Variants in CLSTN2 observed in about 807,000 individuals in gnomAD.
The protein encoded by CLSTN2 is calsyntenin-2.
A neutral mutation model predicts 101.2 loss-of-function variants in CLSTN2; 48 were observed. The observed-to-expected ratio is 0.47, with a 90% CI of 0.38 to 0.60. The LOEUF (loss-of-function observed/expected upper bound fraction) is 0.60, where lower values mean the gene tolerates loss of function less well. Among genes scored for constraint, CLSTN2 ranks in the 20% least tolerant of loss-of-function variants. The pLI, the probability that CLSTN2 is intolerant of heterozygous loss-of-function variation, is 0.00. For synonymous variants in CLSTN2, 481 were observed against 463.6 expected, an observed-to-expected ratio of 1.04 and a Z score of -0.48; for missense variants, 1,160 against 1,238.2, an observed-to-expected ratio of 0.94 and a Z score of 0.95.
Position 140,566,767 on chromosome 3 carries a change from A to C in CLSTN2, c.*514A>C, listed in dbSNP as rs1985262942. ...ACAGTTTAAAGGAAAGTCCTTGTTGAGGCAGAACTAAGTTTACAGGGAAAG... is the reference window on the plus strand; with the variant it reads ...ACAGTTTAAAGGAAAGTCCTTGTTGCGGCAGAACTAAGTTTACAGGGAAAG... On this transcript the variant is annotated 3_prime_UTR_variant, in exon 17 of 17. Transcript: ENST00000458420. 6.2e-6 allele frequency: 1 copy of C among 160,460 alleles called. No homozygotes were observed. The highest frequency in any genetic ancestry group is 1.4e-5 in the Non-Finnish European group (1 of 71,874). The allele number at this position is 160,460 out of a possible 1,614,324, so 9.9% of individuals were successfully genotyped here. A position where few individuals can be genotyped will look rare whatever the true frequency, so the allele number is the denominator to read the frequency against.
intron 2 of CLSTN2, among the ~76,000 whole-genome samples, chr3:140,354,188 T>A (rs1576529069): frequency 1.3e-5 from 2 of 152,236 alleles, no homozygotes; most frequent in East Asian, 3.9e-4. Flanking sequence ...AAATGGAGCT[T>A]CTCACATCTG....
At chr3:140,520,207 T>C (rs555924696) in intron 8 of CLSTN2, among the ~76,000 whole-genome samples, 4 of 152,382 alleles carry the variant, frequency 2.6e-5, no homozygotes, top group African/African-American at 9.6e-5. Context: ...GTAGGTGACC[T>C]GGCCTTTCTC....
chr3:140,497,525 ACCTCAGGAGCT>A (rs1934493151), intron 8 of CLSTN2, among the ~76,000 whole-genome samples: 1 of 151,998 alleles, frequency 6.6e-6, no homozygotes, highest in South Asian at 2.1e-4. Context: ...GGCCGCCCCC[ACCTCAGGAGCT>A]CCTTCGTCTC....
rs1044219922 is a variant in CLSTN2 at position 140,165,787 on chromosome 3, T to G, written c.110-10164T>G. Among the ~76,000 whole-genome samples the G allele has an allele frequency of 5.3e-5, 8 of 152,284 alleles. No individual in the cohort carries two copies. The South Asian group carries it at 1.7e-3, about 32-fold the overall frequency. On this transcript the variant is annotated intron_variant, in intron 1 of 16. Coordinates refer to ENST00000458420, the MANE Select transcript of CLSTN2 (RefSeq NM_022131.3). ...GACTGAAGCAAAGAATAAAAATACT[T>G]TTCAAAATGCTATTATAATAATTAT...
At chr3:140,377,958 C>T (rs907338844) in intron 2 of CLSTN2, among the ~76,000 whole-genome samples, 1 of 152,140 alleles carries the variant, frequency 6.6e-6, no homozygotes, top group South Asian at 2.1e-4. Flanking sequence ...TTAAAAAAAT[C>T]TTTTACACCA....
intron 8 of CLSTN2, among the ~76,000 whole-genome samples, chr3:140,506,413 C>T (rs375480762): frequency 5.9e-5 from 9 of 152,238 alleles, no homozygotes; most frequent in East Asian, 1.9e-4. Context: ...CACTCCCCTC[C>T]TTATGATGCT....
chr3:140,460,465 G>A (rs1933532013), intron 7 of CLSTN2: 1 of 152,350 alleles, frequency 6.6e-6, no homozygotes, highest in Non-Finnish European at 1.5e-5. Flanking sequence ...GAAGTGCTCA[G>A]AACAGTGCCT....
intron 7 of CLSTN2, among the ~76,000 whole-genome samples, chr3:140,465,220 A>G (rs1416685561): frequency 6.6e-6 from 1 of 152,220 alleles, no homozygotes; most frequent in Admixed American, 6.5e-5. Flanking sequence ...AAGTGTATCT[A>G]AGGCCTGGCT....
At chr3:140,509,012 G>C (rs960548857) in intron 8 of CLSTN2, among the ~76,000 whole-genome samples, 2 of 152,248 alleles carry the variant, frequency 1.3e-5, no homozygotes, top group Admixed American at 1.3e-4. Context: ...GCTTTGAAAT[G>C]GGGGTAGGAA....
At chr3:140,463,815 A>C (rs1037400874) in intron 7 of CLSTN2, among the ~76,000 whole-genome samples, 3 of 152,198 alleles carry the variant, frequency 2.0e-5, no homozygotes, top group Admixed American at 6.5e-5. Flanking sequence ...GAAATGTGCA[A>C]GGCTAGCAAC....
chr3:140,387,462 T>A (rs1576544064), intron 2 of CLSTN2, among the ~76,000 whole-genome samples: 1 of 152,236 alleles, frequency 6.6e-6, no homozygotes, highest in Non-Finnish European at 1.5e-5. Flanking sequence ...TTCCACAGGT[T>A]CCTATTTGCG....
chr3:140,201,214 G>A (rs1013728123), intron 2 of CLSTN2, among the ~76,000 whole-genome samples: 2 of 152,142 alleles, frequency 1.3e-5, no homozygotes, highest in African/African-American at 4.8e-5. Flanking sequence ...GTTCAACTGG[G>A]GACATCAGGA....
chr3:140,132,266 TA>T (rs1485181081), intron 1 of CLSTN2, among the ~76,000 whole-genome samples: 1 of 152,208 alleles, frequency 6.6e-6, no homozygotes, highest in East Asian at 1.9e-4. Flanking sequence ...CTTAAATAAT[TA>T]TTTTTTTGTG....
chr3:140,329,316 C>T (rs1475984426), intron 2 of CLSTN2, among the ~76,000 whole-genome samples: 1 of 152,188 alleles, frequency 6.6e-6, no homozygotes, highest in South Asian at 2.1e-4. Context: ...TTGCCTGAAC[C>T]TGGAGGTTGC....
At chr3:139,941,338 G>C (rs1935124228) in intron 1 of CLSTN2, among the ~76,000 whole-genome samples, 1 of 152,142 alleles carries the variant, frequency 6.6e-6, no homozygotes, top group Non-Finnish European at 1.5e-5. Flanking sequence ...GGTCAGAGGA[G>C]AATGGTTAGA....
intron 6 of CLSTN2, among the ~76,000 whole-genome samples, chr3:140,453,867 T>C (rs935788763): frequency 1.3e-5 from 2 of 152,228 alleles, no homozygotes; most frequent in African/African-American, 4.8e-5. Flanking sequence ...TAGTGCACCT[T>C]GCAGCTCAAC....
chr3:140,147,586 T>A (rs2009799017), intron 1 of CLSTN2, among the ~76,000 whole-genome samples: 1 of 152,104 alleles, frequency 6.6e-6, no homozygotes, highest in Admixed American at 6.5e-5. Flanking sequence ...TGAAAAAAAA[T>A]GATTTTCATT....
chr3:140,307,323 A>G (rs1409895119), intron 2 of CLSTN2, among the ~76,000 whole-genome samples: 1 of 152,190 alleles, frequency 6.6e-6, no homozygotes, highest in African/African-American at 2.4e-5. Context: ...GCTTCCTGCT[A>G]CACACCTTGC....
chr3:140,067,425 G>A (rs931610630), intron 1 of CLSTN2, among the ~76,000 whole-genome samples: 2 of 152,096 alleles, frequency 1.3e-5, no homozygotes, highest in African/African-American at 2.4e-5. Context: ...GTTCTGTGCC[G>A]ATATTGCCCC....
Sources: allele counts gnomAD v4.1 joint callset (sites outside exome capture counted in the v4.1 genomes callset), GRCh38; gene constraint gnomAD v4.1.1; transcripts MANE v1.5; gene names NCBI Gene and HGNC (gene_info 2026-07-23, HGNC 2026-07-21).